Variants in TEX14 observed in about 807,000 individuals in gnomAD.
TEX14 encodes inactive serine/threonine-protein kinase TEX14.
A neutral mutation model predicts 178.6 loss-of-function variants in TEX14; 168 were observed. The observed-to-expected ratio is 0.94, with a 90% confidence interval of 0.83 to 1.07. The LOEUF (loss-of-function observed/expected upper bound fraction) is 1.07, where lower values mean the gene tolerates loss of function less well. Ranked by LOEUF, TEX14 falls within the 50% of genes least tolerant of loss-of-function variation. The pLI, the probability that TEX14 is intolerant of heterozygous loss-of-function variation, is 0.00. For missense variants in TEX14, 1,730 were observed against 1,753.6 expected (o/e 0.99, Z 0.24); for synonymous variants, 626 against 634.1 (o/e 0.99, Z 0.19).
At chr17:58,635,848 C>T (rs1000841178) in intron 2 of TEX14, among the ~76,000 whole-genome samples, 6 of 151,890 alleles carry the variant, frequency 4.0e-5, no homozygotes, top group African/African-American at 1.5e-4. Context: ...CGGGTTCAAG[C>T]GATTCTCCTG....
intron 28 of TEX14, among the ~76,000 whole-genome samples, 183 bp from the exon 29 acceptor site, chr17:58,561,795 A>G (rs559505610): frequency 6.6e-6 from 1 of 152,326 alleles, no homozygotes; most frequent in Non-Finnish European, 1.5e-5. Flanking sequence ...TCTGACTGAA[A>G]TATGCACTGG....
In TEX14 at chr17:58,683,374, C is replaced by G. The variant is rs560904811; in HGVS notation, c.-2+8565G>C. 2.8e-4 allele frequency among the ~76,000 whole-genome samples: 41 copies of G among 148,650 alleles called. No homozygotes were observed. In the South Asian group the frequency reaches 3.2e-3, roughly 12 times the overall value. ...AGTGACAAAGCAAGACTCCATCCCC[C>G]CCCCCAAAAAAAAAAGGAAATATAT... On this transcript the variant is annotated intron_variant, in intron 1 of 31. Transcript: ENST00000349033.
chr17:58,666,520 A>C (rs2047211936), intron 1 of TEX14: 1 of 143,336 alleles, frequency 7.0e-6, no homozygotes, highest in Non-Finnish European at 1.5e-5. Flanking sequence ...CAAAACTTGC[A>C]TTTCAACTAC....
chr17:58,650,162 A>G (rs1189984028), intron 2 of TEX14, among the ~76,000 whole-genome samples: 2 of 151,692 alleles, frequency 1.3e-5, no homozygotes, highest in Admixed American at 6.6e-5. Flanking sequence ...AGTTCAAGCG[A>G]TTCTCCTGCC....
In TEX14 at chr17:58,602,538, G is replaced by A. The variant is rs746985189; in HGVS notation, c.1389C>T (p.Val463=). 38 of 1,613,872 alleles carry A rather than the reference G, an allele frequency of 2.4e-5. No individual in the cohort carries two copies. Among genetic ancestry groups the A allele is most frequent in the Non-Finnish European group, 3.1e-5 (37 of 1,180,026 alleles). The change falls in exon 12 of 32, where the codon GTC becomes GTT. Residue 463 remains valine (V), a synonymous_variant. Transcript: ENST00000349033. ...CATCAGCTTCTAAATAATTCCCCGA[G>A]ACTACGGCTTTTTTAACAACTGAGC... ...LDGSVVKKAV[V]SGNYLEADVR...
chr17:58,642,581 G>A (rs956132533), intron 2 of TEX14, among the ~76,000 whole-genome samples: 3 of 151,456 alleles, frequency 2.0e-5, no homozygotes, highest in Admixed American at 6.6e-5. Context: ...AGGCTGGAAT[G>A]TAATGGCACG....
intron 17 of TEX14, among the ~76,000 whole-genome samples, chr17:58,587,306 C>T (rs2144417351): frequency 6.6e-6 from 1 of 151,998 alleles, no homozygotes; most frequent in South Asian, 2.1e-4. Context: ...TTGTATTGTG[C>T]ACTGTTTTGT....
intron 3 of TEX14, among the ~76,000 whole-genome samples, 181 bp from the exon 4 acceptor site, chr17:58,623,193 CACACA>C (rs2046044161): frequency 6.6e-6 from 1 of 152,008 alleles, no homozygotes; most frequent in African/African-American, 2.4e-5. Context: ...CACACACACA[CACACA>C]CACACACACA....
At position 58,598,999 on chromosome 17, in the gene TEX14, G is replaced by A; in HGVS notation, c.2346C>T (p.Tyr782=). Residue 782 remains tyrosine (Y), a synonymous_variant, in exon 14 of 32, where the codon TAC becomes TAT. Coordinates refer to ENST00000349033, the MANE Select transcript of TEX14 (RefSeq NM_031272.5). ...WATSREFTNA[Y]KLPLAVGPPS... ...GAGGGCCCACGGCCAGAGGTAACTT[G>A]TAGGCATTTGTAAACTCTCTTGAAG... 1 of 1,614,070 alleles carries A rather than the reference G, an allele frequency of 6.2e-7. No homozygotes were observed. The highest frequency in any genetic ancestry group is 8.5e-7 in the Non-Finnish European group (1 of 1,179,990).
intron 1 of TEX14, among the ~76,000 whole-genome samples, chr17:58,670,777 A>C (rs1567769722): frequency 1.3e-5 from 2 of 148,686 alleles, no homozygotes; most frequent in Admixed American, 6.7e-5. Flanking sequence ...CCTCTTAAAA[A>C]AAAAAAAAAA....
At chr17:58,688,347 T>C (rs951980633) in intron 1 of TEX14, among the ~76,000 whole-genome samples, 2 of 152,280 alleles carry the variant, frequency 1.3e-5, no homozygotes, top group South Asian at 2.1e-4. Context: ...CTTGAACTCC[T>C]GACCTCAAGT....
At chr17:58,660,498 G>GC in intron 1 of TEX14, 1 of 704,576 alleles carries the variant, frequency 1.4e-6, no homozygotes, top group Admixed American at 2.2e-5. Context: ...CTGTAGGGGA[G>GC]CTCAGGGAGG....
rs148843764 is a variant in TEX14 at position 58,664,886 on chromosome 17, G to T, written c.-1-12884C>A. Reference sequence around the variant, plus strand: ...GTGCCTGTGGTACGTAACAGATAAGGCCACCCTGGGTTCAGTGGCACTGAG... The same window carrying T: ...GTGCCTGTGGTACGTAACAGATAAGTCCACCCTGGGTTCAGTGGCACTGAG... On this transcript the variant is annotated intron_variant, in intron 1 of 31. Transcript: ENST00000349033. 2.8e-3 allele frequency among the ~76,000 whole-genome samples: 419 copies of T among 152,224 alleles called. 6 individuals are homozygous for T. Among genetic ancestry groups the T allele is most frequent in the African/African-American group, 9.7e-3 (404 of 41,524 alleles).
intron 18 of TEX14, among the ~76,000 whole-genome samples, chr17:58,585,460 T>C (rs973285346): frequency 3.9e-5 from 6 of 152,088 alleles, no homozygotes; most frequent in Non-Finnish European, 7.4e-5. Flanking sequence ...TATTTTTATT[T>C]TGAGACAGGG....
intron 13 of TEX14, among the ~76,000 whole-genome samples, chr17:58,600,517 C>T (rs572854758): frequency 3.5e-4 from 53 of 149,862 alleles, no homozygotes; most frequent in Non-Finnish European, 5.5e-4. Context: ...ACCGAGATTG[C>T]GCCATTGCAC....
At chr17:58,614,989 C>T (rs2045838469) in intron 8 of TEX14, among the ~76,000 whole-genome samples, 1 of 152,238 alleles carries the variant, frequency 6.6e-6, no homozygotes, top group South Asian at 2.1e-4. Context: ...ACATGGGTTA[C>T]AGGGCGGCTG....
In TEX14 at chr17:58,584,616, C is replaced by G. The variant is rs770118870; in HGVS notation, c.3071-16G>C. ...TGCCTGATACCTAATGATTGTAACA[C>G]AGTCAGGGTCAAAGTCATTCAGTGA... On this transcript the variant is annotated splice_polypyrimidine_tract_variant and intron_variant, in intron 18 of 31. Coordinates refer to ENST00000349033, the MANE Select transcript of TEX14 (RefSeq NM_031272.5). 1.4e-5 allele frequency: 22 copies of G among 1,584,202 alleles called. No homozygotes were observed. The highest frequency in any genetic ancestry group is 1.7e-4 in the Middle Eastern group (1 of 6,030).
At chr17:58,644,374 C>G (rs2046646775) in intron 2 of TEX14, among the ~76,000 whole-genome samples, 1 of 152,138 alleles carries the variant, frequency 6.6e-6, no homozygotes, top group Admixed American at 6.6e-5. Flanking sequence ...GCTCTGTCAC[C>G]CAGGCTGGAG....
intron 3 of TEX14, among the ~76,000 whole-genome samples, chr17:58,624,364 G>A (rs2046085487): frequency 6.8e-6 from 1 of 146,064 alleles, no homozygotes; most frequent in Non-Finnish European, 1.5e-5. Context: ...TTTTGAGACG[G>A]AGTTTTGCTC....
Sources: allele counts gnomAD v4.1 joint callset (sites outside exome capture counted in the v4.1 genomes callset), GRCh38; gene constraint gnomAD v4.1.1; transcripts MANE v1.5; gene names NCBI Gene and HGNC (gene_info 2026-07-23, HGNC 2026-07-21).